CTNNA3: variants seen among roughly 807,000 people sequenced by gnomAD.
The protein encoded by CTNNA3 is catenin alpha 3.
CTNNA3 carries 76 observed loss-of-function variants against 95.7 expected under a neutral mutation model. The ratio of observed to expected loss-of-function variants is 0.79; its 90% confidence interval spans 0.66 to 0.96. The LOEUF is 0.96. CTNNA3 is among the 40% of genes least tolerant of loss of function. CTNNA3 has a pLI of 0.00. For missense variants in CTNNA3, 1,191 were observed against 1,089.8 expected, an observed-to-expected ratio of 1.09 and a Z score of -1.31; for synonymous variants, 431 against 374.4, an observed-to-expected ratio of 1.15 and a Z score of -1.74.
chr10:66,699,601 C>T (rs1327244588), intron 9 of CTNNA3, among the ~76,000 whole-genome samples: 3 of 151,736 alleles, frequency 2.0e-5, no homozygotes, highest in Admixed American at 6.6e-5. Flanking sequence ...CACATGTGCA[C>T]ATATACATGG....
chr10:67,482,103 T>C (rs1046157792), intron 5 of CTNNA3, among the ~76,000 whole-genome samples: 1 of 152,014 alleles, frequency 6.6e-6, no homozygotes, highest in Admixed American at 6.6e-5. Context: ...GTTCCATTGA[T>C]CTATATCTCT....
intron 7 of CTNNA3, among the ~76,000 whole-genome samples, chr10:66,844,116 C>A (rs529871608): frequency 6.6e-6 from 1 of 152,280 alleles, no homozygotes; most frequent in Admixed American, 6.5e-5. Context: ...GGCATAAATT[C>A]TTCTAATTAG....
intron 1 of CTNNA3, among the ~76,000 whole-genome samples, chr10:67,667,861 T>C (rs1840359338): frequency 6.6e-6 from 1 of 152,312 alleles, no homozygotes; most frequent in Non-Finnish European, 1.5e-5. Context: ...TTCGCTGTAA[T>C]ATAAAATAGA....
chr10:66,000,254 T>C (rs1404443522), intron 15 of CTNNA3, among the ~76,000 whole-genome samples: 1 of 152,138 alleles, frequency 6.6e-6, no homozygotes, highest in African/African-American at 2.4e-5. Context: ...CACTGCCTCA[T>C]CCTTGACTCT....
intron 15 of CTNNA3, among the ~76,000 whole-genome samples, chr10:66,062,019 A>G (rs2080211301): frequency 6.6e-6 from 1 of 152,150 alleles, no homozygotes; most frequent in Admixed American, 6.6e-5. Context: ...CAAATTCTGA[A>G]GTCGGACCAA....
chr10:66,593,336 A>C (rs530939158), intron 10 of CTNNA3, among the ~76,000 whole-genome samples: 1 of 152,248 alleles, frequency 6.6e-6, no homozygotes, highest in East Asian at 1.9e-4. Context: ...AGAGTTGTGA[A>C]TAAAAGTGCA....
intron 5 of CTNNA3, among the ~76,000 whole-genome samples, chr10:67,442,385 T>G (rs1846554366): frequency 6.6e-6 from 1 of 152,080 alleles, no homozygotes; most frequent in African/African-American, 2.4e-5. Flanking sequence ...GTAAATGGAC[T>G]AAACTCTGCA....
At chr10:66,481,017 A>G (rs1253327311) in intron 11 of CTNNA3, among the ~76,000 whole-genome samples, 1 of 152,236 alleles carries the variant, frequency 6.6e-6, no homozygotes, top group Admixed American at 6.5e-5. Context: ...CATAGATTAA[A>G]AACTATTCTC....
chr10:66,304,016 A>G (rs571848862), intron 12 of CTNNA3, among the ~76,000 whole-genome samples: 4 of 152,286 alleles, frequency 2.6e-5, no homozygotes, highest in Non-Finnish European at 2.9e-5. Context: ...AATGTAAACT[A>G]AGAAAAGATG....
chr10:67,482,182 T>G (rs1161500196), intron 5 of CTNNA3, among the ~76,000 whole-genome samples: 2 of 150,878 alleles, frequency 1.3e-5, no homozygotes, highest in Admixed American at 6.6e-5. Flanking sequence ...TCAGGTAGTG[T>G]GATGCCTCCA....
intron 5 of CTNNA3, among the ~76,000 whole-genome samples, chr10:67,358,999 T>C (rs1274300812): frequency 6.6e-6 from 1 of 152,074 alleles, no homozygotes; most frequent in Non-Finnish European, 1.5e-5. Flanking sequence ...TGCTAGCCCT[T>C]ACTCTTAAGC....
At chr10:66,016,474 G>GTCTCTATCTATCCCAGAGAAGAA (rs1350071164) in intron 15 of CTNNA3, among the ~76,000 whole-genome samples, 1 of 152,134 alleles carries the variant, frequency 6.6e-6, no homozygotes, top group Non-Finnish European at 1.5e-5. Flanking sequence ...CCAGAGAAGA[G>GTCTCTATCTATCCCAGAGAAGAA]TCTCTATCTG....
chr10:66,923,525 A>C (rs1206285451), intron 7 of CTNNA3, among the ~76,000 whole-genome samples: 1 of 152,202 alleles, frequency 6.6e-6, no homozygotes, highest in Admixed American at 6.5e-5. Flanking sequence ...GAGAGATACA[A>C]GTTGTCAAGC....
rs1358502243 is a variant in CTNNA3 at position 67,676,108 on chromosome 10, G to A, written c.-6+19892C>T. ...AAATTAAAAATATTTACCCAAGGATGGCTACTTATTTCAGGTTAATTTTTT... is the reference window on the plus strand; with the variant it reads ...AAATTAAAAATATTTACCCAAGGATAGCTACTTATTTCAGGTTAATTTTTT... On this transcript the variant is annotated intron_variant, in intron 1 of 17. Coordinates refer to ENST00000433211, the MANE Select transcript of CTNNA3 (RefSeq NM_013266.4). Among the ~76,000 whole-genome samples the A allele has an allele frequency of 1.2e-4, 18 of 151,978 alleles. 1 individual carries two copies. The highest frequency in any genetic ancestry group is 1.2e-3 in the Admixed American group (18 of 15,240).
chr10:65,991,189 T>G (rs962801358), intron 15 of CTNNA3, among the ~76,000 whole-genome samples: 4 of 152,030 alleles, frequency 2.6e-5, no homozygotes, highest in Non-Finnish European at 1.5e-5. Flanking sequence ...TAGTATGATG[T>G]GTTGTGTCCT....
At chr10:66,387,001 A>T (rs971167793) in intron 11 of CTNNA3, among the ~76,000 whole-genome samples, 1 of 152,170 alleles carries the variant, frequency 6.6e-6, no homozygotes, top group African/African-American at 2.4e-5. Flanking sequence ...CCCTAGAAGA[A>T]AACCTAGGCA....
At chr10:66,699,345 G>A (rs1390155509) in intron 9 of CTNNA3, among the ~76,000 whole-genome samples, 1 of 151,750 alleles carries the variant, frequency 6.6e-6, no homozygotes, top group African/African-American at 2.4e-5. Flanking sequence ...TTGTACCAGG[G>A]TTCCCTTTTC....
intron 17 of CTNNA3, among the ~76,000 whole-genome samples, chr10:65,946,345 T>C (rs2077516324): frequency 6.6e-6 from 1 of 152,154 alleles, no homozygotes; most frequent in Non-Finnish European, 1.5e-5. Context: ...TTCATTCTTT[T>C]AGCTTTAAAT....
chr10:67,534,707 A>G (rs1330239128), intron 4 of CTNNA3, among the ~76,000 whole-genome samples: 37 of 152,102 alleles, frequency 2.4e-4, no homozygotes, highest in Admixed American at 2.4e-3. Context: ...GAAAAGGCCA[A>G]CTCCAGATTC....
Sources: allele counts gnomAD v4.1 joint callset (sites outside exome capture counted in the v4.1 genomes callset), GRCh38; gene constraint gnomAD v4.1.1; transcripts MANE v1.5; gene names NCBI Gene and HGNC (gene_info 2026-07-23, HGNC 2026-07-21).